Variants in HS2ST1 observed in about 807,000 individuals in gnomAD.
HS2ST1 encodes the protein heparan sulfate 2-O-sulfotransferase 1, also known as 2-O-sulfotransferase.
A neutral mutation model predicts 42.9 loss-of-function variants in HS2ST1; 18 were observed. The observed-to-expected ratio is 0.42, with a 90% CI of 0.29 to 0.62. HS2ST1 has a LOEUF of 0.62. Among genes scored for constraint, HS2ST1 ranks in the 20% least tolerant of loss-of-function variants. HS2ST1 has a pLI of 0.21. For missense variants in HS2ST1, 334 were observed against 433.8 expected (o/e 0.77, Z 2.04); for synonymous variants, 146 against 152.9 (o/e 0.95, Z 0.33).
chr1:86,921,559 T>C (rs1660300615), intron 1 of HS2ST1, among the ~76,000 whole-genome samples: 1 of 152,124 alleles, frequency 6.6e-6, no homozygotes, highest in African/African-American at 2.4e-5. Flanking sequence ...CCCTCATAAC[T>C]GTATTAATAC....
intron 1 of HS2ST1, among the ~76,000 whole-genome samples, chr1:86,940,617 A>G (rs543127938): frequency 1.3e-5 from 2 of 152,330 alleles, no homozygotes; most frequent in East Asian, 1.9e-4. Context: ...GCTGATGGCT[A>G]TATTCTTATT....
At chr1:86,971,464 A>G (rs1648232358) in intron 1 of HS2ST1, among the ~76,000 whole-genome samples, 1 of 152,148 alleles carries the variant, frequency 6.6e-6, no homozygotes, top group Admixed American at 6.5e-5. Flanking sequence ...TAACCAATAT[A>G]TAAATTGGAC....
At chr1:86,915,933 T>C (rs1382189767) in intron 1 of HS2ST1, among the ~76,000 whole-genome samples, 2 of 152,150 alleles carry the variant, frequency 1.3e-5, no homozygotes, top group Non-Finnish European at 2.9e-5. Context: ...GAAGGGGAAT[T>C]ATGTAGTGAA....
chr1:87,106,195 TC>T lies in HS2ST1; in HGVS notation c.*1500del, dbSNP rs1283234963. ...CTTGTAAGCTGGTTGAAAAAGTTAA[TC>T]TTGATATAAATTTGTGTTTGATAAA... On this transcript the variant is annotated 3_prime_UTR_variant, in exon 7 of 7. Coordinates refer to ENST00000370550, the MANE Select transcript of HS2ST1 (RefSeq NM_012262.4). 1 of 152,548 alleles carries T rather than the reference TC, an allele frequency of 6.6e-6. No homozygotes were observed. The highest frequency in any genetic ancestry group is 2.4e-5 in the African/African-American group (1 of 41,446). The allele number at this position is 152,548 out of a possible 1,614,324, so 9.4% of individuals were successfully genotyped here. A position where few individuals can be genotyped will look rare whatever the true frequency, so the allele number is the denominator to read the frequency against.
chr1:87,010,346 A>G (rs1313037425), intron 1 of HS2ST1, among the ~76,000 whole-genome samples: 2 of 151,664 alleles, frequency 1.3e-5, no homozygotes, highest in Admixed American at 6.6e-5. Flanking sequence ...CTTAATTACT[A>G]TTTACATATT....
intron 1 of HS2ST1, among the ~76,000 whole-genome samples, chr1:87,065,373 T>C (rs915348433): frequency 1.1e-4 from 16 of 152,210 alleles, no homozygotes; most frequent in Admixed American, 5.9e-4. Context: ...CAAATTGATA[T>C]GCCAAGGCTC....
intron 1 of HS2ST1, among the ~76,000 whole-genome samples, chr1:87,065,026 C>G (rs185834600): frequency 6.6e-6 from 1 of 152,288 alleles, no homozygotes; most frequent in East Asian, 1.9e-4. Context: ...TTACTTAATT[C>G]TCAGTGATTA....
intron 1 of HS2ST1, among the ~76,000 whole-genome samples, chr1:87,021,607 C>T (rs973215311): frequency 1.3e-4 from 20 of 152,066 alleles, no homozygotes; most frequent in Admixed American, 5.9e-4. Flanking sequence ...CTTGAGTTTC[C>T]GGGCTCAAGG....
At chr1:86,956,162 C>T (rs1041181287) in intron 1 of HS2ST1, among the ~76,000 whole-genome samples, 1 of 147,044 alleles carries the variant, frequency 6.8e-6, no homozygotes, top group Non-Finnish European at 1.5e-5. Context: ...GAAAGGACTT[C>T]AGCAACAATT....
chr1:86,936,933 TAAAA>T (rs60940882), intron 1 of HS2ST1, among the ~76,000 whole-genome samples: 3 of 98,402 alleles, frequency 3.0e-5, no homozygotes, highest in African/African-American at 3.8e-5. Flanking sequence ...CCGTCTCTAC[TAAAA>T]AAAAAAAAAA....
chr1:86,960,087 C>T (rs1206813527), intron 1 of HS2ST1, among the ~76,000 whole-genome samples: 1 of 152,076 alleles, frequency 6.6e-6, no homozygotes, highest in Non-Finnish European at 1.5e-5. Flanking sequence ...ATAAATAGAT[C>T]ATTGAAGCAA....
chr1:87,088,474 A>G (rs1048546627), intron 3 of HS2ST1, among the ~76,000 whole-genome samples: 1 of 152,058 alleles, frequency 6.6e-6, no homozygotes, highest in Non-Finnish European at 1.5e-5. Flanking sequence ...GTTTCTGGAT[A>G]TTGAGGTTGT....
intron 2 of HS2ST1, among the ~76,000 whole-genome samples, chr1:87,083,615 T>G (rs192025261): frequency 3.9e-5 from 6 of 152,210 alleles, no homozygotes; most frequent in Non-Finnish European, 7.3e-5. Flanking sequence ...ATTTAGAAAT[T>G]TTAAATATTT....
chr1:87,066,937 A>G (rs1217403717), intron 1 of HS2ST1, among the ~76,000 whole-genome samples: 2 of 152,170 alleles, frequency 1.3e-5, no homozygotes, highest in Non-Finnish European at 2.9e-5. Context: ...TCCATGGTGT[A>G]TATGTGCCAC....
intron 1 of HS2ST1, among the ~76,000 whole-genome samples, chr1:86,982,671 C>T (rs11161917): frequency 0.89 from 135,799 of 151,904 alleles, 61,129 homozygotes; most frequent in East Asian, 0.99. Flanking sequence ...CCCACCACCA[C>T]GCCCGGCTAA....
At chr1:86,926,401 A>T (rs962739905) in intron 1 of HS2ST1, among the ~76,000 whole-genome samples, 2 of 152,150 alleles carry the variant, frequency 1.3e-5, no homozygotes, top group African/African-American at 4.8e-5. Flanking sequence ...CCTTAATTCA[A>T]GGAGAATGTT....
Position 87,045,372 on chromosome 1 carries a change from C to T in HS2ST1, c.125-27562C>T, listed in dbSNP as rs185826337. The stretch of plus-strand genomic sequence containing the variant: ...TTATTAGCTTCTGTCTCTCCCTTTT[C>T]AGAAGATATTAGGATTGTTCCTTTC... On this transcript the variant is annotated intron_variant, in intron 1 of 6. Coordinates refer to ENST00000370550, the MANE Select transcript of HS2ST1 (RefSeq NM_012262.4). 272 of 1,427,024 alleles carry T rather than the reference C, an allele frequency of 1.9e-4. 1 individual carries two copies. In the African/African-American group the frequency reaches 3.7e-3, roughly 19 times the overall value. 88.4% of individuals were successfully genotyped at this position (1,427,024 alleles called of 1,614,324 possible).
chr1:86,949,908 T>A (rs1647454193), intron 1 of HS2ST1, among the ~76,000 whole-genome samples: 2 of 152,196 alleles, frequency 1.3e-5, no homozygotes, highest in Non-Finnish European at 1.5e-5. Context: ...TCTACTTCAT[T>A]TAACCTCCCC....
chr1:87,096,912 C>T (rs1036035916), intron 4 of HS2ST1, among the ~76,000 whole-genome samples: 13 of 152,220 alleles, frequency 8.5e-5, no homozygotes, highest in African/African-American at 3.1e-4. Flanking sequence ...TTTCTTATTT[C>T]TTCTTATGAG....
Sources: gnomAD v4.1 joint callset for allele counts (sites outside exome capture counted in the v4.1 genomes callset) on GRCh38, gnomAD v4.1.1 for gene constraint, MANE v1.5 for transcripts, NCBI Gene and HGNC (gene_info 2026-07-23, HGNC 2026-07-21) for gene names.